ANKRD30BL: variants seen among roughly 807,000 people sequenced by gnomAD.
ANKRD30BL encodes the protein ankyrin repeat domain 30B like.
A neutral mutation model predicts 18.4 loss-of-function variants in ANKRD30BL; 20 were observed. The observed-to-expected ratio is 1.09, with a 90% CI of 0.77 to 1.58. The LOEUF (loss-of-function observed/expected upper bound fraction) is 1.58. Among genes scored for constraint, ANKRD30BL ranks in the 40% most tolerant of loss-of-function variants. The pLI, the probability that ANKRD30BL is intolerant of heterozygous loss-of-function variation, is 0.00. For missense variants in ANKRD30BL, 224 were observed against 268.6 expected (o/e 0.83, Z 1.16); for synonymous variants, 72 against 100.9 (o/e 0.71, Z 1.72).
chr2:132,188,614 G>A (rs1678767284), intron 1 of ANKRD30BL, among the ~76,000 whole-genome samples: 1 of 152,142 alleles, frequency 6.6e-6, no homozygotes, highest in Non-Finnish European at 1.5e-5. Flanking sequence ...GGAGGTTGAG[G>A]CAGGAGAATG....
chr2:132,224,356 G>T (rs75083996), intron 1 of ANKRD30BL, among the ~76,000 whole-genome samples: 11 of 152,078 alleles, frequency 7.2e-5, no homozygotes, highest in Admixed American at 2.0e-4. Flanking sequence ...TGTGATGTTC[G>T]CATTCCACTC....
chr2:132,200,113 T>C (rs1440137013), intron 1 of ANKRD30BL, among the ~76,000 whole-genome samples: 1 of 152,052 alleles, frequency 6.6e-6, no homozygotes, highest in Non-Finnish European at 1.5e-5. Flanking sequence ...CTAAAAACTC[T>C]CAATAAATTA....
chr2:132,185,121 T>A (rs1314163803), intron 1 of ANKRD30BL, among the ~76,000 whole-genome samples: 1 of 152,186 alleles, frequency 6.6e-6, no homozygotes, highest in Non-Finnish European at 1.5e-5. Flanking sequence ...CCAAAACTCT[T>A]TAAAGTACTC....
rs111770980 is a variant in ANKRD30BL at position 132,148,168 on chromosome 2, G to T, written c.740C>A (p.Thr247Lys). The T allele has an allele frequency of 1.9e-5, 30 of 1,602,802 alleles. No individual in the cohort carries two copies. The East Asian group carries it at 6.5e-4, about 35-fold the overall frequency. ...AAPLAERTPD[T>K]AESLVERTPD... ...TGTTCTTTCCACCAAGCTTTCAGCC[G>T]TGTCAGGTGTTCTTTCCGCCAAGGG... Residue 247 changes from threonine to lysine, a missense_variant, in exon 6 of 6, where the codon ACG becomes AAG. Thr to Lys is a moderately conservative substitution (Grantham distance 78, BLOSUM62 -1). Coordinates refer to ENST00000409867, the MANE Select transcript of ANKRD30BL (RefSeq NM_001358416.1).
chr2:132,221,870 G>A (rs548584003), intron 1 of ANKRD30BL, among the ~76,000 whole-genome samples: 4 of 122,330 alleles, frequency 3.3e-5, no homozygotes, highest in South Asian at 4.9e-4. Flanking sequence ...AGGGGGGAGG[G>A]GGAGTCAGCC....
At chr2:132,191,737 ATTTTTTTTTT>A (rs777830399) in intron 1 of ANKRD30BL, among the ~76,000 whole-genome samples, 7 of 111,898 alleles carry the variant, frequency 6.3e-5, no homozygotes, top group Non-Finnish European at 1.3e-4. Context: ...ATGGAGTTTG[ATTTTTTTTTT>A]TTTTTTTTTT....
chr2:132,176,293 G>A (rs1257745052), intron 1 of ANKRD30BL, among the ~76,000 whole-genome samples: 2 of 151,840 alleles, frequency 1.3e-5, no homozygotes, highest in Non-Finnish European at 2.9e-5. Context: ...ACTTTGGGAG[G>A]CTGAGGCGAG....
intron 1 of ANKRD30BL, among the ~76,000 whole-genome samples, chr2:132,252,602 G>A (rs1573898050): frequency 6.6e-6 from 1 of 152,142 alleles, no homozygotes; most frequent in Non-Finnish European, 1.5e-5. Context: ...GGGAGGAGGG[G>A]CACTGGAGCT....
chr2:132,249,709 C>T (rs890258096), intron 1 of ANKRD30BL, among the ~76,000 whole-genome samples: 3 of 152,074 alleles, frequency 2.0e-5, no homozygotes, highest in African/African-American at 7.2e-5. Context: ...TACAAAAATA[C>T]TGTTTCCAAA....
At chr2:132,208,176 C>A (rs1052858228) in intron 1 of ANKRD30BL, among the ~76,000 whole-genome samples, 3 of 152,074 alleles carry the variant, frequency 2.0e-5, no homozygotes, top group Non-Finnish European at 4.4e-5. Flanking sequence ...TAGTCCAAAA[C>A]GTTTCTCTTT....
At chr2:132,207,870 G>A (rs1679239285) in intron 1 of ANKRD30BL, among the ~76,000 whole-genome samples, 1 of 152,156 alleles carries the variant, frequency 6.6e-6, no homozygotes, top group African/African-American at 2.4e-5. Flanking sequence ...TGGAATGATG[G>A]AAGACTGGTT....
intron 1 of ANKRD30BL, among the ~76,000 whole-genome samples, chr2:132,178,141 G>C (rs536326041): frequency 6.2e-4 from 95 of 152,246 alleles, no homozygotes; most frequent in African/African-American, 2.3e-3. Context: ...AATTAACTTA[G>C]CACATTATAT....
At chr2:132,204,501 G>GTA (rs541101014) in intron 1 of ANKRD30BL, among the ~76,000 whole-genome samples, 179 of 141,922 alleles carry the variant, frequency 1.3e-3, no homozygotes, top group African/African-American at 4.3e-3. Context: ...TGTATATATA[G>GTA]TATATATATA....
chr2:132,229,324 T>C (rs1055907579), intron 1 of ANKRD30BL, among the ~76,000 whole-genome samples: 1 of 152,170 alleles, frequency 6.6e-6, no homozygotes, highest in Non-Finnish European at 1.5e-5. Flanking sequence ...AACTTCTTTA[T>C]AATGTGTGCA....
At chr2:132,232,432 T>C (rs1267601380) in intron 1 of ANKRD30BL, among the ~76,000 whole-genome samples, 2 of 152,058 alleles carry the variant, frequency 1.3e-5, no homozygotes, top group Non-Finnish European at 2.9e-5. Flanking sequence ...AGTTGAAAAC[T>C]TTGAAAAAAA....
intron 1 of ANKRD30BL, among the ~76,000 whole-genome samples, chr2:132,222,518 G>A (rs900989997): frequency 5.3e-5 from 8 of 152,254 alleles, no homozygotes; most frequent in African/African-American, 1.7e-4. Context: ...TTGGGATCCT[G>A]TTGATCTGTG....
chr2:132,175,637 C>A (rs1267327393), intron 1 of ANKRD30BL, among the ~76,000 whole-genome samples: 1 of 152,202 alleles, frequency 6.6e-6, no homozygotes, highest in Non-Finnish European at 1.5e-5. Context: ...TTTCTCATCC[C>A]ATGAGGCCAT....
At chr2:132,207,777 A>T (rs112531312) in intron 1 of ANKRD30BL, among the ~76,000 whole-genome samples, 1,609 of 152,226 alleles carry the variant, frequency 0.011, 28 homozygotes, top group African/African-American at 0.036. Context: ...TGTCAGGAGT[A>T]GGATGCTGAA....
chr2:132,165,972 C>G (rs1573810921), upstream of ANKRD30BL, among the ~76,000 whole-genome samples: 4 of 152,044 alleles, frequency 2.6e-5, no homozygotes, highest in East Asian at 5.8e-4. Context: ...TGTTCTTTGT[C>G]AAGTTATGAA....
Sources: allele counts gnomAD v4.1 joint callset (sites outside exome capture counted in the v4.1 genomes callset), GRCh38; gene constraint gnomAD v4.1.1; transcripts MANE v1.5; gene names NCBI Gene and HGNC (gene_info 2026-07-23, HGNC 2026-07-21).